PTPRD: variants seen among roughly 807,000 people sequenced by gnomAD.
PTPRD encodes the protein protein tyrosine phosphatase receptor type D.
A neutral mutation model predicts 214.5 loss-of-function variants in PTPRD; 34 were observed. The observed-to-expected ratio is 0.16, with a 90% CI of 0.12 to 0.21. The LOEUF (loss-of-function observed/expected upper bound fraction) is 0.21, where lower values mean the gene tolerates loss of function less well. Ranked by LOEUF, PTPRD falls within the 10% of genes least tolerant of loss-of-function variation. The pLI, the probability that PTPRD is intolerant of heterozygous loss-of-function variation, is 1.00. For missense variants in PTPRD, 2,545 were observed against 2,398.7 expected (o/e 1.06, Z -1.27); for synonymous variants, 1,128 against 845.7 (o/e 1.33, Z -5.79).
chr9:9,022,947 T>G (rs916637852), intron 10 of PTPRD, among the ~76,000 whole-genome samples: 3 of 152,146 alleles, frequency 2.0e-5, no homozygotes, highest in Non-Finnish European at 2.9e-5. Context: ...ATGACTGGTA[T>G]TTTTCAAAGT....
chr9:9,762,410 C>A (rs2098666415), intron 6 of PTPRD, among the ~76,000 whole-genome samples: 1 of 152,180 alleles, frequency 6.6e-6, no homozygotes, highest in Non-Finnish European at 1.5e-5. Context: ...TATAAACAGA[C>A]TGAAAATTTT....
intron 3 of PTPRD, among the ~76,000 whole-genome samples, chr9:10,114,349 G>C (rs1288768227): frequency 1.3e-5 from 2 of 152,132 alleles, no homozygotes; most frequent in Non-Finnish European, 2.9e-5. Flanking sequence ...CAAAGCAGCA[G>C]AAAAGCTTTC....
intron 8 of PTPRD, among the ~76,000 whole-genome samples, chr9:9,447,499 A>T (rs1434098346): frequency 6.6e-6 from 1 of 152,072 alleles, no homozygotes; most frequent in Non-Finnish European, 1.5e-5. Flanking sequence ...AACAACAGAC[A>T]CTGGGACCTA....
intron 3 of PTPRD, among the ~76,000 whole-genome samples, chr9:10,294,865 G>A (rs2095629826): frequency 6.6e-6 from 1 of 151,924 alleles, no homozygotes; most frequent in South Asian, 2.1e-4. Flanking sequence ...ACTAAATGGA[G>A]TAGCAATAAT....
In PTPRD at chr9:8,962,379, T is replaced by C. The variant is rs146533502; in HGVS notation, c.-104+56318A>G. Reference sequence around the variant, plus strand: ...GCTAATATGTGCCACCTTGGGACTTTCCTATGAAAACATGCAGGACAGATT... The same window carrying C: ...GCTAATATGTGCCACCTTGGGACTTCCCTATGAAAACATGCAGGACAGATT... On this transcript the variant is annotated intron_variant, in intron 11 of 45. Coordinates refer to ENST00000381196, the MANE Select transcript of PTPRD (RefSeq NM_002839.4). 4.8e-3 allele frequency among the ~76,000 whole-genome samples: 729 copies of C among 152,216 alleles called. 13 individuals carry two copies. Among genetic ancestry groups the C allele is most frequent in the African/African-American group, 0.017 (697 of 41,550 alleles).
intron 4 of PTPRD, among the ~76,000 whole-genome samples, chr9:9,998,123 A>ATATATATATATATATATATATATAT (rs1555449048): frequency 1.0e-4 from 5 of 47,742 alleles, no homozygotes; most frequent in African/African-American, 5.1e-4. Context: ...AATAAAAAAA[A>ATATATATATATATATATATATATAT]AAAAAAATAT....
At chr9:10,071,528 A>G (rs1347163977) in intron 3 of PTPRD, among the ~76,000 whole-genome samples, 1 of 152,110 alleles carries the variant, frequency 6.6e-6, no homozygotes, top group African/African-American at 2.4e-5. Flanking sequence ...GGAGAAAATC[A>G]TTACCAGAAA....
At chr9:10,273,752 G>A (rs1382367166) in intron 3 of PTPRD, among the ~76,000 whole-genome samples, 1 of 152,050 alleles carries the variant, frequency 6.6e-6, no homozygotes, top group Admixed American at 6.6e-5. Flanking sequence ...TGTATAATCA[G>A]TATTAAATGT....
At chr9:10,465,845 G>C (rs1283411283) in intron 2 of PTPRD, among the ~76,000 whole-genome samples, 1 of 152,122 alleles carries the variant, frequency 6.6e-6, no homozygotes. Context: ...TGTCTTCATT[G>C]TTAAGCAGCG....
chr9:10,537,215 G>T (rs955842947), intron 2 of PTPRD, among the ~76,000 whole-genome samples: 3 of 152,160 alleles, frequency 2.0e-5, no homozygotes, highest in Non-Finnish European at 2.9e-5. Flanking sequence ...TGAAAGAAAT[G>T]ATTTAAAAAA....
rs941780479 is a variant in PTPRD at position 10,192,448 on chromosome 9, A to G, written c.-545+148515T>C. 2.0e-3 allele frequency among the ~76,000 whole-genome samples: 85 copies of G among 43,060 alleles called. 1 individual carries two copies. In the South Asian group the frequency reaches 0.049, roughly 25 times the overall value. 28.2% of individuals were successfully genotyped at this position (43,060 alleles called of 152,430 possible). On this transcript the variant is annotated intron_variant, in intron 3 of 45. Coordinates refer to ENST00000381196, the MANE Select transcript of PTPRD (RefSeq NM_002839.4). ...TATTGGCAAGGTCACGATCCAGGAA[A>G]AAAAAAAAAAAAAAAAAAAAAAGCT...
At chr9:10,245,035 T>C (rs952606220) in intron 3 of PTPRD, among the ~76,000 whole-genome samples, 8 of 152,136 alleles carry the variant, frequency 5.3e-5, no homozygotes, top group Admixed American at 1.3e-4. Flanking sequence ...ATTCACACAA[T>C]GTATCTAATT....
At chr9:10,511,978 ATATATATATACGTGTGTG>A (rs1566641657) in intron 2 of PTPRD, among the ~76,000 whole-genome samples, 52 of 104,954 alleles carry the variant, frequency 5.0e-4, no homozygotes, top group African/African-American at 1.5e-3. Context: ...GTGTGTGTGT[ATATATATATACGTGTGTG>A]TATATATATA....
chr9:8,840,951 C>T (rs1055201031), intron 11 of PTPRD, among the ~76,000 whole-genome samples: 5 of 152,088 alleles, frequency 3.3e-5, no homozygotes, highest in African/African-American at 1.2e-4. Context: ...TGTGAATCAC[C>T]GGGTTTCCTT....
chr9:9,072,994 A>T (rs1352812345), intron 10 of PTPRD, among the ~76,000 whole-genome samples: 1 of 152,216 alleles, frequency 6.6e-6, no homozygotes, highest in Non-Finnish European at 1.5e-5. Flanking sequence ...CGATTTGAGG[A>T]TCTCAAACAT....
chr9:9,516,049 T>C (rs1175656520), intron 8 of PTPRD, among the ~76,000 whole-genome samples: 2 of 152,156 alleles, frequency 1.3e-5, no homozygotes, highest in Non-Finnish European at 2.9e-5. Flanking sequence ...TGCTCAACAT[T>C]CAAGCTTTTT....
chr9:10,260,947 T>A (rs1404017286), intron 3 of PTPRD, among the ~76,000 whole-genome samples: 1 of 150,010 alleles, frequency 6.7e-6, no homozygotes, highest in Non-Finnish European at 1.5e-5. Flanking sequence ...TTAGGGCATA[T>A]ATACATGTGT....
At chr9:9,608,281 A>G (rs963243998) in intron 7 of PTPRD, among the ~76,000 whole-genome samples, 1 of 152,156 alleles carries the variant, frequency 6.6e-6, no homozygotes, top group Non-Finnish European at 1.5e-5. Flanking sequence ...CATTAGTATC[A>G]TTTTTGATGT....
chr9:8,747,125 A>G (rs6477343), intron 11 of PTPRD, among the ~76,000 whole-genome samples: 10,802 of 152,210 alleles, frequency 0.071, 1,021 homozygotes, highest in African/African-American at 0.22. Flanking sequence ...CAAACTGAAT[A>G]TAGACTGACC....
Sources: allele counts gnomAD v4.1 joint callset (sites outside exome capture counted in the v4.1 genomes callset), GRCh38; gene constraint gnomAD v4.1.1; transcripts MANE v1.5; gene names NCBI Gene and HGNC (gene_info 2026-07-23, HGNC 2026-07-21).